RARA: variants seen among roughly 807,000 people sequenced by gnomAD.
RARA encodes retinoic acid receptor alpha.
In RARA, 5 loss-of-function variants were observed where a neutral mutation model predicts 42.8. The ratio of observed to expected loss-of-function variants is 0.12; its 90% CI spans 0.06 to 0.25. RARA has a LOEUF of 0.25. Ranked by LOEUF, RARA falls within the 10% of genes least tolerant of loss-of-function variation. The pLI is 1.00. For missense variants in RARA, 402 were observed against 628.7 expected (o/e 0.64, Z 3.86); for synonymous variants, 256 against 259.5 (o/e 0.99, Z 0.13).
chr17:40,314,580 T>TG (rs2033156661), intron 1 of RARA, among the ~76,000 whole-genome samples: 1 of 84,276 alleles, frequency 1.2e-5, no homozygotes, highest in Admixed American at 1.4e-4. Flanking sequence ...TGGGCAGTGG[T>TG]GAGGGGGCAG....
chr17:40,312,234 C>T (rs897979810), intron 1 of RARA, among the ~76,000 whole-genome samples: 3 of 152,240 alleles, frequency 2.0e-5, no homozygotes, highest in African/African-American at 7.2e-5. Context: ...AGGTTTCCCT[C>T]TAGACCGCTT....
chr17:40,339,600 G>A (rs1343659391), intron 2 of RARA, among the ~76,000 whole-genome samples: 3 of 152,094 alleles, frequency 2.0e-5, no homozygotes, highest in African/African-American at 7.2e-5. Context: ...TATCCTTCAA[G>A]GAACATCTTG....
At chr17:40,327,389 C>G (rs987528735) in intron 1 of RARA, among the ~76,000 whole-genome samples, 1 of 152,210 alleles carries the variant, frequency 6.6e-6, no homozygotes, top group Non-Finnish European at 1.5e-5. Flanking sequence ...AGAGGCAGGC[C>G]TCTGTGGATG....
chr17:40,352,531 C>A lies in RARA; in HGVS notation c.807+24C>A. Reference sequence around the variant, plus strand: ...TGGTGAGGGTCTGCACCCTGGCCCCCAGGCACTGCCCCTGTGTCCTGGGTA... The same window carrying A: ...TGGTGAGGGTCTGCACCCTGGCCCCAAGGCACTGCCCCTGTGTCCTGGGTA... On this transcript the variant is annotated intron_variant, in intron 6 of 8. Transcript: ENST00000254066. This position sits in a 1 kb window ranked among gnomAD's most constrained non-coding sequence, Gnocchi z 4.9. 6.4e-7 allele frequency: 1 copy of A among 1,558,032 alleles called. No homozygotes were observed.
chr17:40,355,257 C>T lies in RARA; in HGVS notation c.1013-6C>T, dbSNP rs188616110. 4.6e-4 allele frequency: 718 copies of T among 1,563,122 alleles called. 4 individuals carry two copies. In the East Asian group the frequency reaches 0.015, roughly 33 times the overall value. ...AGCTGCTCAGGGGGTGGTTCTGCTT[C>T]CTCAGACCGCCAGGACCTGGAGCAG... On this transcript the variant is annotated splice_region_variant and splice_polypyrimidine_tract_variant and intron_variant, in intron 7 of 8. Coordinates refer to ENST00000254066, the MANE Select transcript of RARA (RefSeq NM_000964.4). The surrounding 1 kb of genome is among the most constrained non-coding windows in gnomAD (Gnocchi z 4.1).
chr17:40,323,872 TC>T (rs2033464536), intron 1 of RARA, among the ~76,000 whole-genome samples: 1 of 150,536 alleles, frequency 6.6e-6, no homozygotes, highest in Admixed American at 6.6e-5. Flanking sequence ...GCAGCGTGGG[TC>T]CCCAGGGTGG....
rs1016356000 is a variant in RARA at position 40,343,073 on chromosome 17, G to A, written c.179-5243G>A. 10 of 1,005,902 alleles carry A rather than the reference G, an allele frequency of 9.9e-6. No homozygotes were observed. In the African/African-American group the frequency reaches 1.5e-4, roughly 15 times the overall value. The allele number at this position is 1,005,902 out of a possible 1,614,324, so 62.3% of individuals were successfully genotyped here. ...CCTAAGTGCAATTTGTGTTAGATTAGGGCTGAGGAACTTTGAGAGTTCCTT... is the reference window on the plus strand; with the variant it reads ...CCTAAGTGCAATTTGTGTTAGATTAAGGCTGAGGAACTTTGAGAGTTCCTT... On this transcript the variant is annotated intron_variant, in intron 2 of 8. Coordinates refer to ENST00000254066, the MANE Select transcript of RARA (RefSeq NM_000964.4).
chr17:40,347,169 A>C lies in RARA; in HGVS notation c.179-1147A>C, dbSNP rs138801283. ...AATGCCAGCCAGTCTCATGTGCCGG[A>C]GTTTGGGGTAGGGCTAGGTAGGATT... On this transcript the variant is annotated intron_variant, in intron 2 of 8. Coordinates refer to ENST00000254066, the MANE Select transcript of RARA (RefSeq NM_000964.4). Among the ~76,000 whole-genome samples, 25 of 152,200 alleles carry C rather than the reference A, an allele frequency of 1.6e-4. No individual in the cohort carries two copies. The East Asian group carries it at 2.9e-3, about 18-fold the overall frequency.
chr17:40,327,077 C>G (rs181805629), intron 1 of RARA, among the ~76,000 whole-genome samples: 1 of 152,092 alleles, frequency 6.6e-6, no homozygotes, highest in Admixed American at 6.5e-5. Context: ...TCTGGGGAGG[C>G]CTTCCAGCCT....
Position 40,352,112 on chromosome 17 carries a change from G to T in RARA, c.630+42G>T. 6.6e-7 allele frequency: 1 copy of T among 1,507,626 alleles called. No individual in the cohort carries two copies. The allele number at this position is 1,507,626 out of a possible 1,614,324, so 93.4% of individuals were successfully genotyped here. A position where few individuals can be genotyped will look rare whatever the true frequency, so the allele number is the denominator to read the frequency against. Reference sequence around the variant, plus strand: ...GCCTGCAGGGTGGGATTTGCCCAGGGCCACAGGGCCAGGATGGGCCCCTCT... The same window carrying T: ...GCCTGCAGGGTGGGATTTGCCCAGGTCCACAGGGCCAGGATGGGCCCCTCT... On this transcript the variant is annotated intron_variant, in intron 5 of 8. Coordinates refer to ENST00000254066, the MANE Select transcript of RARA (RefSeq NM_000964.4). The surrounding 1 kb of genome is among the most constrained non-coding windows in gnomAD (Gnocchi z 4.9).
chr17:40,342,731 T>A, intron 2 of RARA: 1 of 1,611,582 alleles, frequency 6.2e-7, no homozygotes, highest in Non-Finnish European at 8.5e-7. Context: ...AAGTGGGGGG[T>A]CCCACCCCTA....
intron 2 of RARA, among the ~76,000 whole-genome samples, chr17:40,346,602 C>G (rs1285600047): frequency 6.6e-6 from 1 of 152,064 alleles, no homozygotes; most frequent in Non-Finnish European, 1.5e-5. Flanking sequence ...TTGTGGCTCA[C>G]CCCCTCTGCC....
intron 2 of RARA, 44 bp from the exon 3 acceptor site, chr17:40,348,272 G>A: frequency 3.3e-6 from 5 of 1,510,178 alleles, no homozygotes; most frequent in African/African-American, 1.4e-5. Flanking sequence ...TACTAAGGAT[G>A]GCGACCTAGG....
At position 40,356,134 on chromosome 17, in the gene RARA, G is replaced by A; in HGVS notation, c.1297G>A (p.Asp433Asn). 2 of 490,954 alleles carry A rather than the reference G, an allele frequency of 4.1e-6. No individual in the cohort carries two copies. Among genetic ancestry groups the A allele is most frequent in the Non-Finnish European group, 7.8e-6 (2 of 255,422 alleles). 30.4% of individuals were successfully genotyped at this position (490,954 alleles called of 1,614,324 possible). ...LSGQPGGGGR[D>N]GGGLAPPPGS... ...CGGACAGCCGGGGGGTGGGGGGCGG[G>A]ACGGGGGTGGCCTGGCCCCCCCGCC... Residue 433 changes from aspartate (D) to asparagine (N), a missense_variant, in exon 9 of 9, where the codon GAC becomes AAC. Asp to Asn is a conservative substitution (Grantham distance 23, BLOSUM62 1). Around this residue, in one of 5 missense-constraint regions of RARA, gnomAD observed 73 missense variants for 59.8 expected, o/e 1.22. Transcript: ENST00000254066.
At position 40,331,057 on chromosome 17, in the gene RARA, T is replaced by C; in HGVS notation, c.-162T>C. ...GGGTGGGGGCTCCAGGAGACTGAGATTAGCCTGCCCTCTTTGGACAGCAGC... is the reference window on the plus strand; with the variant it reads ...GGGTGGGGGCTCCAGGAGACTGAGACTAGCCTGCCCTCTTTGGACAGCAGC... On this transcript the variant is annotated 5_prime_UTR_variant, in exon 2 of 9. Transcript: ENST00000254066. The C allele has an allele frequency of 1.3e-6, 1 of 789,550 alleles. No individual in the cohort carries two copies. The highest frequency in any genetic ancestry group is 1.9e-6 in the Non-Finnish European group (1 of 521,366). The allele number at this position is 789,550 out of a possible 1,614,324, so 48.9% of individuals were successfully genotyped here.
At chr17:40,315,140 A>ATATATATATATATGCTTATATGTATATG (rs2033177667) in intron 1 of RARA, among the ~76,000 whole-genome samples, 3 of 97,948 alleles carry the variant, frequency 3.1e-5, no homozygotes, top group African/African-American at 1.8e-4. Context: ...GTGTATATAT[A>ATATATATATATATGCTTATATGTATATG]TATATATATA....
rs2034646624 is a variant in RARA at position 40,356,753 on chromosome 17, T to A, written c.*527T>A. ...CGCTGGTTTTGTTTTTATTTTAATT[T>A]TTTTGTTTTGATTTTTTTAATAAGA... On this transcript the variant is annotated 3_prime_UTR_variant, in exon 9 of 9. Coordinates refer to ENST00000254066, the MANE Select transcript of RARA (RefSeq NM_000964.4). 1 of 525,596 alleles carries A rather than the reference T, an allele frequency of 1.9e-6. No individual in the cohort carries two copies. Among genetic ancestry groups the A allele is most frequent in the Non-Finnish European group, 3.6e-6 (1 of 274,246 alleles). The allele number at this position is 525,596 out of a possible 1,614,324, so 32.6% of individuals were successfully genotyped here.
chr17:40,322,216 G>A (rs899475350), intron 1 of RARA, among the ~76,000 whole-genome samples: 1 of 151,854 alleles, frequency 6.6e-6, no homozygotes, highest in African/African-American at 2.4e-5. Flanking sequence ...AGGTGCCCTC[G>A]TCTGGGCGGG....
Position 40,355,364 on chromosome 17 carries a change from C to A in RARA, c.1114C>A (p.His372Asn), listed in dbSNP as rs745346700. ...YVRKRRPSRP[H>N]MFPKMLMKIT... Reference sequence around the variant, plus strand: ...GCGGAAGCGGAGGCCCAGCCGCCCCCACATGTTCCCCAAGATGCTAATGAA... The same window carrying A: ...GCGGAAGCGGAGGCCCAGCCGCCCCAACATGTTCCCCAAGATGCTAATGAA... The change falls in exon 8 of 9, where the codon CAC becomes AAC. Residue 372 changes from histidine (H) to asparagine (N), a missense_variant. Transcript: ENST00000254066. The surrounding 1 kb of genome is among the most constrained non-coding windows in gnomAD (Gnocchi z 4.1). The A allele has an allele frequency of 3.1e-6, 5 of 1,613,904 alleles. No individual in the cohort carries two copies. The highest frequency in any genetic ancestry group is 4.2e-6 in the Non-Finnish European group (5 of 1,179,940).
Sources: allele counts gnomAD v4.1 joint callset (sites outside exome capture counted in the v4.1 genomes callset), GRCh38; gene constraint gnomAD v4.1.1; regional missense constraint gnomAD v4.1.1; non-coding constraint Gnocchi (gnomAD v3.1); transcripts MANE v1.5; gene names NCBI Gene and HGNC (gene_info 2026-07-23, HGNC 2026-07-21).